DNER: variants seen among roughly 807,000 people sequenced by gnomAD.
DNER encodes the protein delta and Notch-like epidermal growth factor-related receptor.
In DNER, 33 loss-of-function variants were observed where a neutral mutation model predicts 78.2. The ratio of observed to expected loss-of-function variants is 0.42; its 90% CI spans 0.32 to 0.56. The LOEUF (loss-of-function observed/expected upper bound fraction) is 0.56. Ranked by LOEUF, DNER falls within the 20% of genes least tolerant of loss-of-function variation. DNER has a pLI of 0.11. For missense variants in DNER, 918 were observed against 975.3 expected (o/e 0.94, Z 0.78); for synonymous variants, 417 against 384.8 (o/e 1.08, Z -0.98).
In DNER at chr2:229,467,774, T is replaced by C. The variant is rs1289513189; in HGVS notation, c.1261+9366A>G. Among the ~76,000 whole-genome samples the C allele has an allele frequency of 3.9e-5, 6 of 152,218 alleles. No individual in the cohort carries two copies. The South Asian group carries it at 1.2e-3, about 31-fold the overall frequency. ...TAATATGAATGTTTTGCGTTTAGCA[T>C]GGAGAAGTTAGCTTTTAATAAACAG... is the stretch of plus-strand genomic sequence containing the variant. On this transcript the variant is annotated intron_variant, in intron 7 of 12. Coordinates refer to ENST00000341772, the MANE Select transcript of DNER (RefSeq NM_139072.4).
At chr2:229,604,827 T>C (rs1697902511) in intron 1 of DNER, among the ~76,000 whole-genome samples, 1 of 152,158 alleles carries the variant, frequency 6.6e-6, no homozygotes, top group Admixed American at 6.5e-5. Context: ...GCCTTCTATA[T>C]ACAGCAGGCT....
chr2:229,366,593 C>T (rs746017413), intron 12 of DNER, among the ~76,000 whole-genome samples: 6 of 152,194 alleles, frequency 3.9e-5, no homozygotes, highest in South Asian at 2.1e-4. Context: ...CAATATACAG[C>T]GATTACGAAT....
chr2:229,690,520 C>T (rs928779972), intron 1 of DNER, among the ~76,000 whole-genome samples: 7 of 152,264 alleles, frequency 4.6e-5, no homozygotes, highest in African/African-American at 4.8e-5. Flanking sequence ...TTTGATAAAA[C>T]GTTATTGTTG....
At chr2:229,397,127 A>G (rs1465195267) in intron 10 of DNER, among the ~76,000 whole-genome samples, 3 of 152,088 alleles carry the variant, frequency 2.0e-5, no homozygotes, top group African/African-American at 4.8e-5. Context: ...GAGCAGATAT[A>G]TTTTCCCTAT....
At chr2:229,468,886 C>T (rs1017618467) in intron 7 of DNER, among the ~76,000 whole-genome samples, 6 of 152,044 alleles carry the variant, frequency 3.9e-5, no homozygotes, top group African/African-American at 7.3e-5. Context: ...TGAACTCTCC[C>T]GGAGTCTCTG....
chr2:229,557,286 T>C (rs1488449245), intron 4 of DNER, among the ~76,000 whole-genome samples: 1 of 152,250 alleles, frequency 6.6e-6, no homozygotes, highest in Non-Finnish European at 1.5e-5. Flanking sequence ...GCAGAGCACA[T>C]GCTCACTTTT....
chr2:229,686,932 T>C (rs897483597), intron 1 of DNER, among the ~76,000 whole-genome samples: 2 of 152,174 alleles, frequency 1.3e-5, no homozygotes, highest in Non-Finnish European at 2.9e-5. Flanking sequence ...TCCCAAAATC[T>C]TTACATAACT....
At chr2:229,673,485 T>C (rs1403634560) in intron 1 of DNER, among the ~76,000 whole-genome samples, 1 of 152,132 alleles carries the variant, frequency 6.6e-6, no homozygotes, top group Admixed American at 6.5e-5. Context: ...TTCTTCAGAG[T>C]ATTTTCAAAC....
intron 7 of DNER, among the ~76,000 whole-genome samples, chr2:229,474,307 A>T (rs1418836938): frequency 6.6e-6 from 1 of 152,234 alleles, no homozygotes; most frequent in African/African-American, 2.4e-5. Flanking sequence ...GAGGCAGCTT[A>T]AAAAATGCCA....
intron 10 of DNER, among the ~76,000 whole-genome samples, chr2:229,404,122 ACT>A (rs1365696180): frequency 1.3e-5 from 2 of 152,050 alleles, no homozygotes; most frequent in Non-Finnish European, 2.9e-5. Flanking sequence ...CATGGTGCTG[ACT>A]CTGCAAAGAA....
chr2:229,567,890 C>T lies in DNER; in HGVS notation c.847+17968G>A, dbSNP rs79423646. Reference sequence around the variant, plus strand: ...TTCAGTCTCTACAAAAGTCTTGTACCGCTATCTGATCATCAATTCTTTCTG... The same window carrying T: ...TTCAGTCTCTACAAAAGTCTTGTACTGCTATCTGATCATCAATTCTTTCTG... On this transcript the variant is annotated intron_variant, in intron 4 of 12. Transcript: ENST00000341772. Among the ~76,000 whole-genome samples the T allele has an allele frequency of 1.8e-3, 281 of 152,212 alleles. 1 individual carries two copies. The highest frequency in any genetic ancestry group is 5.9e-3 in the African/African-American group (246 of 41,530).
intron 6 of DNER, among the ~76,000 whole-genome samples, chr2:229,494,495 G>GT (rs2154211787): frequency 6.6e-6 from 1 of 152,168 alleles, no homozygotes; most frequent in South Asian, 2.1e-4. Context: ...CCATCAGAAC[G>GT]TAACAGCTCA....
chr2:229,586,545 AAAAAACACACAAAAC>A, intron 3 of DNER: 5 of 143,530 alleles, frequency 3.5e-5, no homozygotes, highest in Non-Finnish European at 4.1e-5. Flanking sequence ...AAAAAAAAAA[AAAAAACACACAAAAC>A]CACCCCACAG....
At chr2:229,687,686 C>A (rs1356829523) in intron 1 of DNER, among the ~76,000 whole-genome samples, 1 of 152,138 alleles carries the variant, frequency 6.6e-6, no homozygotes, top group Non-Finnish European at 1.5e-5. Context: ...AATTTCCATA[C>A]CCCCAATTGA....
rs796979037 is a variant in DNER at position 229,499,749 on chromosome 2, T to A, written c.1147+13034A>T. The stretch of plus-strand genomic sequence containing the variant: ...TACATCAAACTAAAAAGCTTCTGCA[T>A]GGCAAAAGAAGCGATCAATGGAGTG... On this transcript the variant is annotated intron_variant, in intron 6 of 12. Coordinates refer to ENST00000341772, the MANE Select transcript of DNER (RefSeq NM_139072.4). 2.6e-5 allele frequency among the ~76,000 whole-genome samples: 4 copies of A among 152,104 alleles called. No homozygotes were observed. In the East Asian group the frequency reaches 5.8e-4, roughly 22 times the overall value.
At chr2:229,484,296 C>T (rs1695225997) in intron 6 of DNER, among the ~76,000 whole-genome samples, 1 of 152,178 alleles carries the variant, frequency 6.6e-6, no homozygotes, top group South Asian at 2.1e-4. Flanking sequence ...ATTGTTATCT[C>T]AAATATCTGC....
intron 4 of DNER, among the ~76,000 whole-genome samples, chr2:229,562,592 T>G (rs1696980076): frequency 6.6e-6 from 1 of 152,146 alleles, no homozygotes; most frequent in Non-Finnish European, 1.5e-5. Flanking sequence ...GGCTTTACTA[T>G]GAATATTTAA....
chr2:229,488,208 C>A (rs183239967), intron 6 of DNER, among the ~76,000 whole-genome samples: 51 of 152,328 alleles, frequency 3.3e-4, no homozygotes, highest in African/African-American at 9.6e-4. Flanking sequence ...ATGAAAGCTC[C>A]AATCTTTCTC....
chr2:229,626,963 T>C (rs1698355711), intron 1 of DNER, among the ~76,000 whole-genome samples: 1 of 152,232 alleles, frequency 6.6e-6, no homozygotes, highest in South Asian at 2.1e-4. Context: ...AACCCTGTTA[T>C]CAATCACGTT....
Sources: gnomAD v4.1 joint callset for allele counts (sites outside exome capture counted in the v4.1 genomes callset) on GRCh38, gnomAD v4.1.1 for gene constraint, MANE v1.5 for transcripts, NCBI Gene and HGNC (gene_info 2026-07-23, HGNC 2026-07-21) for gene names.